The following TNR variants were observed in gnomAD, a reference collection of about 807,000 sequenced individuals.
TNR encodes the protein tenascin-R.
TNR carries 45 observed loss-of-function variants against 150.4 expected under a neutral mutation model. The observed-to-expected ratio is 0.30, with a 90% CI of 0.24 to 0.38. TNR has a LOEUF of 0.38. Among genes scored for constraint, TNR ranks in the 10% least tolerant of loss-of-function variants. The pLI, the probability that TNR is intolerant of heterozygous loss-of-function variation, is 1.00. For missense variants in TNR, 1,544 were observed against 1,759.1 expected, an observed-to-expected ratio of 0.88 and a Z score of 2.19; for synonymous variants, 687 against 678.4, an observed-to-expected ratio of 1.01 and a Z score of -0.20.
chr1:175,330,340 G>C (rs1649673780), intron 20 of TNR, 105 bp from the exon 21 acceptor site: 1,445 of 1,160,090 alleles, frequency 1.2e-3, no homozygotes, highest in Non-Finnish European at 1.5e-3. Context: ...GGAAGAGGAG[G>C]GGACTCCAGA....
intron 1 of TNR, among the ~76,000 whole-genome samples, chr1:175,608,099 C>A (rs2101852712): frequency 6.6e-6 from 1 of 152,320 alleles, no homozygotes; most frequent in African/African-American, 2.4e-5. Flanking sequence ...GTACTACAGG[C>A]TTTTAGAAGC....
In TNR at chr1:175,657,883, A is replaced by ATATATATATATATG. The variant is rs1464419575; in HGVS notation, c.-165+85342_-165+85343insCATATATATATATA. The stretch of plus-strand genomic sequence containing the variant: ...TATATATATATATATATATATATAT[A>ATATATATATATATG]TGTAACAAACCTGCACGTTGTGCAC... On this transcript the variant is annotated intron_variant, in intron 1 of 22. Coordinates refer to ENST00000367674, the MANE Select transcript of TNR (RefSeq NM_003285.3). 4.7e-3 allele frequency among the ~76,000 whole-genome samples: 475 copies of ATATATATATATATG among 101,068 alleles called. 35 individuals are homozygous for ATATATATATATATG. Among genetic ancestry groups the ATATATATATATATG allele is most frequent in the African/African-American group, 5.4e-3 (150 of 27,674 alleles). The allele number at this position is 101,068 out of a possible 152,430, so 66.3% of individuals were successfully genotyped here. A position where few individuals can be genotyped will look rare whatever the true frequency, so the allele number is the denominator to read the frequency against.
intron 2 of TNR, among the ~76,000 whole-genome samples, chr1:175,445,224 C>T (rs768335884): frequency 1.3e-4 from 19 of 152,000 alleles, no homozygotes; most frequent in Admixed American, 6.6e-5. Flanking sequence ...GAGCCAAGAT[C>T]GCACCACTTC....
chr1:175,440,414 C>T (rs977533112), intron 2 of TNR, among the ~76,000 whole-genome samples: 5 of 151,592 alleles, frequency 3.3e-5, no homozygotes, highest in African/African-American at 7.3e-5. Flanking sequence ...TTAGGAAATA[C>T]ACCTAATGCT....
rs74888579 is a variant in TNR at position 175,582,200 on chromosome 1, C to T, written c.-164-53831G>A. On this transcript the variant is annotated intron_variant, in intron 1 of 22. Coordinates refer to ENST00000367674, the MANE Select transcript of TNR (RefSeq NM_003285.3). ...TTGAAACTAGACCATCAGGCTGAAG[C>T]TAATTGCCCCAGGGCACCATAGAAC... is the stretch of plus-strand genomic sequence containing the variant. Among the ~76,000 whole-genome samples the T allele has an allele frequency of 9.2e-3, 1,405 of 152,302 alleles. 25 individuals carry two copies. Among genetic ancestry groups the T allele is most frequent in the African/African-American group, 0.031 (1,278 of 41,558 alleles).
Position 175,345,891 on chromosome 1 carries a change from G to A in TNR, c.3383-8212C>T, listed in dbSNP as rs1451828214. 2.6e-5 allele frequency among the ~76,000 whole-genome samples: 4 copies of A among 152,104 alleles called. No homozygotes were observed. The South Asian group carries it at 6.2e-4, about 24-fold the overall frequency. ...TCAAGACATATAATGAAGTGTAAGA[G>A]TTGCAAAAATAAAAGAAATATTGTT... On this transcript the variant is annotated intron_variant, in intron 18 of 22. Transcript: ENST00000367674.
chr1:175,636,410 A>T (rs1664492681), intron 1 of TNR, among the ~76,000 whole-genome samples: 1 of 151,878 alleles, frequency 6.6e-6, no homozygotes, highest in African/African-American at 2.4e-5. Flanking sequence ...CATGCCCCTG[A>T]CTCATAGTCT....
At chr1:175,433,399 G>T (rs777303586) in intron 2 of TNR, among the ~76,000 whole-genome samples, 1 of 152,168 alleles carries the variant, frequency 6.6e-6, no homozygotes, top group African/African-American at 2.4e-5. Context: ...CATCATGTTA[G>T]ATGGCTCATC....
At chr1:175,684,304 G>C (rs1666124371) in intron 1 of TNR, among the ~76,000 whole-genome samples, 1 of 152,180 alleles carries the variant, frequency 6.6e-6, no homozygotes, top group South Asian at 2.1e-4. Context: ...GCACAAAATA[G>C]ATGCAGAGCC....
chr1:175,325,240 T>A (rs1041728086), intron 21 of TNR, among the ~76,000 whole-genome samples: 21 of 152,180 alleles, frequency 1.4e-4, no homozygotes, highest in African/African-American at 5.1e-4. Flanking sequence ...GATGAAGACA[T>A]TTATGCAGCC....
At chr1:175,384,179 A>G (rs1182863004) in intron 8 of TNR, among the ~76,000 whole-genome samples, 2 of 152,204 alleles carry the variant, frequency 1.3e-5, no homozygotes, top group Non-Finnish European at 2.9e-5. Flanking sequence ...TTCAAACAAA[A>G]CTATCTTGAA....
chr1:175,330,933 T>C (rs1202782717), intron 20 of TNR, among the ~76,000 whole-genome samples: 1 of 152,224 alleles, frequency 6.6e-6, no homozygotes, highest in Non-Finnish European at 1.5e-5. Flanking sequence ...TGGTCTAATA[T>C]ATTCTTTTAA....
chr1:175,365,224 G>A lies in TNR; in HGVS notation c.2373C>T (p.Asn791=), dbSNP rs1313418210. ...GGGGAGATGGATCACTCCAAGTGAT[G>A]TTCACACTGGAGGAGGTCACATGAG... is the stretch of plus-strand genomic sequence containing the variant. ...HFSHVTSSSV[N]ITWSDPSPPA... is the part of the protein sequence containing the mutation. Residue 791 remains asparagine, a synonymous_variant, in exon 12 of 23, where the codon AAC becomes AAT. Transcript: ENST00000367674. The A allele has an allele frequency of 6.2e-7, 1 of 1,614,022 alleles. No homozygotes were observed. Among genetic ancestry groups the A allele is most frequent in the Admixed American group, 1.7e-5 (1 of 60,004 alleles).
chr1:175,641,709 C>T (rs951173068), intron 1 of TNR, among the ~76,000 whole-genome samples: 1 of 152,070 alleles, frequency 6.6e-6, no homozygotes, highest in Non-Finnish European at 1.5e-5. Flanking sequence ...GCCCTTTGTT[C>T]ATAAAGTCAA....
At chr1:175,445,987 T>C (rs1656031253) in intron 2 of TNR, among the ~76,000 whole-genome samples, 1 of 152,244 alleles carries the variant, frequency 6.6e-6, no homozygotes, top group South Asian at 2.1e-4. Flanking sequence ...TCTGGCTTTT[T>C]AAATCTTTTC....
chr1:175,661,830 ACTT>A (rs142218301), intron 1 of TNR, among the ~76,000 whole-genome samples: 1,587 of 116,010 alleles, frequency 0.014, 9 homozygotes, highest in Non-Finnish European at 0.016. Context: ...CCCTCCAAGA[ACTT>A]CTTCCCAAAC....
intron 2 of TNR, among the ~76,000 whole-genome samples, chr1:175,507,380 T>C (rs1658999389): frequency 6.6e-6 from 1 of 152,200 alleles, no homozygotes; most frequent in Non-Finnish European, 1.5e-5. Flanking sequence ...CAGAGTTCTT[T>C]TTTTCTAAAA....
intron 8 of TNR, among the ~76,000 whole-genome samples, chr1:175,384,464 A>C (rs1652835669): frequency 6.6e-6 from 1 of 152,256 alleles, no homozygotes; most frequent in Non-Finnish European, 1.5e-5. Context: ...TGGCCCAGGC[A>C]CTACAGAGAA....
In TNR at chr1:175,636,349, T is replaced by C. The variant is rs540754835; in HGVS notation, c.-165+106877A>G. Among the ~76,000 whole-genome samples, 123 of 152,310 alleles carry C rather than the reference T, an allele frequency of 8.1e-4. 1 individual carries two copies. Among genetic ancestry groups the C allele is most frequent in the African/African-American group, 2.8e-3 (116 of 41,550 alleles). On this transcript the variant is annotated intron_variant, in intron 1 of 22. Coordinates refer to ENST00000367674, the MANE Select transcript of TNR (RefSeq NM_003285.3). ...ACATTTAAGTTTCCCACAGACTTAA[T>C]AGTTAAGTCTCAGTCATAGTTTCTC...
Sources: allele counts gnomAD v4.1 joint callset (sites outside exome capture counted in the v4.1 genomes callset), GRCh38; gene constraint gnomAD v4.1.1; transcripts MANE v1.5; gene names NCBI Gene and HGNC (gene_info 2026-07-23, HGNC 2026-07-21).